CMPK1: variants seen among roughly 807,000 people sequenced by gnomAD.
The protein encoded by CMPK1 is cytidine/uridine monophosphate kinase 1, also known as UMP-CMP kinase.
Under a neutral mutation model 25.7 loss-of-function variants are expected in CMPK1, and 10 were observed. The ratio of observed to expected loss-of-function variants is 0.39; its 90% confidence interval spans 0.24 to 0.66. The LOEUF (loss-of-function observed/expected upper bound fraction) is 0.66, where lower values mean the gene tolerates loss of function less well. Ranked by LOEUF, CMPK1 falls within the 30% of genes least tolerant of loss-of-function variation. The pLI is 0.48. For missense variants in CMPK1, 199 were observed against 280.5 expected, an observed-to-expected ratio of 0.71 and a Z score of 2.08; for synonymous variants, 106 against 101.5, an observed-to-expected ratio of 1.04 and a Z score of -0.27.
intron 1 of CMPK1, among the ~76,000 whole-genome samples, chr1:47,341,150 A>G (rs1646438268): frequency 6.6e-6 from 1 of 152,200 alleles, no homozygotes; most frequent in South Asian, 2.1e-4. Flanking sequence ...ACATGCCCAT[A>G]GGGAAAATGT....
chr1:47,374,013 T>C (rs975464981), intron 3 of CMPK1, among the ~76,000 whole-genome samples: 2 of 152,186 alleles, frequency 1.3e-5, no homozygotes, highest in African/African-American at 4.8e-5. Flanking sequence ...TTAGGTTGAA[T>C]TGTAAATGTG....
chr1:47,339,701 C>CTTTTTTT (rs71053104), intron 1 of CMPK1, among the ~76,000 whole-genome samples: 3 of 109,946 alleles, frequency 2.7e-5, no homozygotes, highest in Non-Finnish European at 3.5e-5. Flanking sequence ...TCTTCCTTTC[C>CTTTTTTT]TTTTTTTTTT....
chr1:47,334,994 G>A (rs1360313660), intron 1 of CMPK1, among the ~76,000 whole-genome samples: 1 of 152,132 alleles, frequency 6.6e-6, no homozygotes, highest in Non-Finnish European at 1.5e-5. Flanking sequence ...TGAGCTAGAT[G>A]TATGGTTGGT....
chr1:47,372,133 C>T (rs1478224694), intron 2 of CMPK1, among the ~76,000 whole-genome samples: 5 of 151,200 alleles, frequency 3.3e-5, no homozygotes, highest in Non-Finnish European at 5.9e-5. Context: ...TCACTCTGTC[C>T]GCCAGGCTGG....
chr1:47,362,232 C>T (rs1238639452), intron 1 of CMPK1, among the ~76,000 whole-genome samples: 8 of 149,078 alleles, frequency 5.4e-5, no homozygotes, highest in East Asian at 2.0e-4. Context: ...GGCAGTGGCA[C>T]GATCTTGGCT....
At chr1:47,339,452 CTTGAT>C (rs1383391150) in intron 1 of CMPK1, among the ~76,000 whole-genome samples, 1 of 152,120 alleles carries the variant, frequency 6.6e-6, no homozygotes, top group Non-Finnish European at 1.5e-5. Flanking sequence ...AAATCAGAAA[CTTGAT>C]TTCATTTATC....
intron 1 of CMPK1, among the ~76,000 whole-genome samples, chr1:47,366,926 A>G (rs1190102789): frequency 2.0e-5 from 3 of 152,116 alleles, no homozygotes; most frequent in Non-Finnish European, 2.9e-5. Context: ...GGGTTTCGCC[A>G]TGTTGGCCAG....
intron 1 of CMPK1, among the ~76,000 whole-genome samples, chr1:47,354,788 C>CAT (rs1304283529): frequency 6.6e-6 from 1 of 152,030 alleles, no homozygotes; most frequent in Non-Finnish European, 1.5e-5. Context: ...CATTCATGTA[C>CAT]ATATGTCTTT....
rs1646374138 is a variant in CMPK1, at chr1:47,333,922, C to T, written c.-24C>T. The T allele has an allele frequency of 2.3e-6, 3 of 1,318,222 alleles. No homozygotes were observed. Among genetic ancestry groups the T allele is most frequent in the East Asian group, 3.2e-5 (1 of 30,826 alleles). 81.7% of individuals were successfully genotyped at this position (1,318,222 alleles called of 1,614,324 possible). On this transcript the variant is annotated 5_prime_UTR_variant, in exon 1 of 6. Coordinates refer to ENST00000371873, the MANE Select transcript of CMPK1 (RefSeq NM_016308.3). Reference sequence around the variant, plus strand: ...CCGCGCCGGCCGCTGTCAGCTCCCTCAGCGTCCGGCCGAGGCGCGGTGTAT... The same window carrying T: ...CCGCGCCGGCCGCTGTCAGCTCCCTTAGCGTCCGGCCGAGGCGCGGTGTAT...
intron 1 of CMPK1, 91 bp downstream of exon 1, chr1:47,334,207 G>C (rs1646378506): frequency 1.6e-5 from 19 of 1,164,616 alleles, no homozygotes; most frequent in Non-Finnish European, 2.0e-5. Context: ...CCGCGGAGTC[G>C]CCGAGCCGCA....
intron 3 of CMPK1, among the ~76,000 whole-genome samples, chr1:47,374,258 T>C (rs938340517): frequency 6.6e-6 from 1 of 152,206 alleles, no homozygotes; most frequent in Non-Finnish European, 1.5e-5. Context: ...GGTTTTGCCA[T>C]GTTGGCCAGG....
chr1:47,368,409 T>G, intron 1 of CMPK1, 60 bp from the exon 2 acceptor site: 1 of 1,403,806 alleles, frequency 7.1e-7, no homozygotes, highest in Non-Finnish European at 9.5e-7. Flanking sequence ...GGAAAAAAAG[T>G]ATAGTCCTAC....
In CMPK1 at chr1:47,334,131, G is replaced by A. The variant is rs72553939; in HGVS notation, c.171+15G>A. 10,109 of 1,483,210 alleles carry A rather than the reference G, an allele frequency of 6.8e-3. 54 individuals are homozygous for A. Among genetic ancestry groups the A allele is most frequent in the Non-Finnish European group, 8.3e-3 (9,213 of 1,110,190 alleles). 91.9% of individuals were successfully genotyped at this position (1,483,210 alleles called of 1,614,324 possible). A position where few individuals can be genotyped will look rare whatever the true frequency, so the allele number is the denominator to read the frequency against. ...GCATCGTCGAGGTGAGGCCCGGGCA[G>A]CAGGCGGGCTCCTTGGGGCTTGACG... On this transcript the variant is annotated intron_variant, in intron 1 of 5. Coordinates refer to ENST00000371873, the MANE Select transcript of CMPK1 (RefSeq NM_016308.3).
At chr1:47,368,350 G>A (rs1369479148) in intron 1 of CMPK1, 119 bp from the exon 2 acceptor site, 22 of 800,232 alleles carry the variant, frequency 2.7e-5, no homozygotes, top group Non-Finnish European at 3.8e-5. Flanking sequence ...TAATATACAA[G>A]CAAAACTTCT....
At chr1:47,368,962 A>C (rs954060130) in intron 2 of CMPK1, among the ~76,000 whole-genome samples, 1 of 152,104 alleles carries the variant, frequency 6.6e-6, no homozygotes, top group Non-Finnish European at 1.5e-5. Context: ...ATAATAATAA[A>C]AATAAATCCA....
intron 2 of CMPK1, among the ~76,000 whole-genome samples, chr1:47,370,136 C>T (rs137891635): frequency 6.7e-6 from 1 of 150,222 alleles, no homozygotes; most frequent in Non-Finnish European, 1.5e-5. Context: ...CCAGGATGGT[C>T]TCCATCTCCT....
intron 1 of CMPK1, among the ~76,000 whole-genome samples, chr1:47,361,750 A>G (rs191724218): frequency 4.0e-4 from 61 of 152,074 alleles, no homozygotes; most frequent in Admixed American, 1.6e-3. Context: ...AGGGATGTCT[A>G]TTTTGGTCTT....
At chr1:47,370,171 C>G (rs1411619407) in intron 2 of CMPK1, among the ~76,000 whole-genome samples, 2 of 151,414 alleles carry the variant, frequency 1.3e-5, no homozygotes, top group East Asian at 4.0e-4. Context: ...CCCGCTTGGG[C>G]CTCCCAAAGT....
At chr1:47,358,180 T>C (rs1646576628) in intron 1 of CMPK1, 2 of 407,418 alleles carry the variant, frequency 4.9e-6, no homozygotes. Context: ...GGTACAGTTA[T>C]AGCTTACTGC....
Sources: gnomAD v4.1 joint callset for allele counts (sites outside exome capture counted in the v4.1 genomes callset) on GRCh38, gnomAD v4.1.1 for gene constraint, MANE v1.5 for transcripts, NCBI Gene and HGNC (gene_info 2026-07-23, HGNC 2026-07-21) for gene names.